NCAM2: variants seen among roughly 807,000 people sequenced by gnomAD.
NCAM2 encodes neural cell adhesion molecule 2, also known as N-CAM-2.
NCAM2 carries 30 observed loss-of-function variants against 98.1 expected under a neutral mutation model. The observed-to-expected ratio is 0.31, with a 90% CI of 0.23 to 0.41. The LOEUF (loss-of-function observed/expected upper bound fraction) is 0.41, where lower values mean the gene tolerates loss of function less well. Ranked by LOEUF, NCAM2 falls within the 10% of genes least tolerant of loss-of-function variation. The pLI is 1.00. For missense variants in NCAM2, 867 were observed against 1,005.8 expected, an observed-to-expected ratio of 0.86 and a Z score of 1.87; for synonymous variants, 368 against 342.4, an observed-to-expected ratio of 1.07 and a Z score of -0.83.
intron 9 of NCAM2, among the ~76,000 whole-genome samples, chr21:21,399,514 A>G (rs1256442770): frequency 6.6e-6 from 1 of 152,246 alleles, no homozygotes; most frequent in Non-Finnish European, 1.5e-5. Context: ...CAATACAATC[A>G]TAATACAGTT....
At chr21:21,242,124 T>C (rs116982462) in intron 1 of NCAM2, among the ~76,000 whole-genome samples, 8 of 148,956 alleles carry the variant, frequency 5.4e-5, no homozygotes, top group African/African-American at 1.2e-4. Context: ...ACAAAGTACA[T>C]CGACAAATGT....
intron 1 of NCAM2, among the ~76,000 whole-genome samples, chr21:21,062,141 G>C (rs2065335764): frequency 1.3e-5 from 2 of 152,082 alleles, no homozygotes; most frequent in African/African-American, 4.8e-5. Flanking sequence ...CTTTAAGTGA[G>C]TAAAATATCT....
chr21:21,040,057 C>T (rs2064872927), intron 1 of NCAM2, among the ~76,000 whole-genome samples: 1 of 152,134 alleles, frequency 6.6e-6, no homozygotes, highest in South Asian at 2.1e-4. Flanking sequence ...GTAATTCTCT[C>T]TACAGTCCTC....
chr21:21,429,751 T>C (rs552402965), intron 11 of NCAM2, among the ~76,000 whole-genome samples: 11 of 152,324 alleles, frequency 7.2e-5, no homozygotes, highest in Admixed American at 3.3e-4. Flanking sequence ...CTAAGACTTT[T>C]GGATGCATCA....
chr21:21,080,657 A>C (rs199762855), intron 1 of NCAM2, among the ~76,000 whole-genome samples: 1 of 78,140 alleles, frequency 1.3e-5, no homozygotes, highest in Admixed American at 1.3e-4. Context: ...ATAAGATCTC[A>C]AAAAAAAAAA....
intron 1 of NCAM2, among the ~76,000 whole-genome samples, chr21:21,021,497 T>C (rs1489526890): frequency 6.6e-6 from 1 of 152,130 alleles, no homozygotes; most frequent in Non-Finnish European, 1.5e-5. Flanking sequence ...TACATAGACA[T>C]GTAAGAATGA....
intron 1 of NCAM2, among the ~76,000 whole-genome samples, chr21:21,278,524 C>A (rs2072813209): frequency 6.6e-6 from 1 of 152,126 alleles, no homozygotes; most frequent in African/African-American, 2.4e-5. Flanking sequence ...CCCTTGGCTA[C>A]TTTTCTTATT....
chr21:21,177,025 C>T (rs1202119302), intron 1 of NCAM2, among the ~76,000 whole-genome samples: 1 of 152,038 alleles, frequency 6.6e-6, no homozygotes, highest in East Asian at 1.9e-4. Flanking sequence ...TTTATAGTTA[C>T]TTTATTGGAT....
rs564727846 is a variant in NCAM2, at chr21:21,235,009, A to G, written c.56-45569A>G. Among the ~76,000 whole-genome samples, 14 of 152,184 alleles carry G rather than the reference A, an allele frequency of 9.2e-5. 1 individual carries two copies. In the South Asian group the frequency reaches 2.9e-3, roughly 32 times the overall value. ...TAATATTTTGCAGTTTTAAAAGTGA[A>G]ACATCGTAGCAAAATAGTTTTGAAG... On this transcript the variant is annotated intron_variant, in intron 1 of 17. Transcript: ENST00000400546.
At chr21:21,412,323 A>G (rs371352295) in intron 10 of NCAM2, among the ~76,000 whole-genome samples, 12 of 152,276 alleles carry the variant, frequency 7.9e-5, no homozygotes, top group East Asian at 7.7e-4. Context: ...ACCTCGTTTA[A>G]CCTTAATTAC....
At chr21:21,208,566 G>T (rs2069527015) in intron 1 of NCAM2, among the ~76,000 whole-genome samples, 2 of 152,046 alleles carry the variant, frequency 1.3e-5, no homozygotes, top group Admixed American at 6.6e-5. Flanking sequence ...AAATATACAT[G>T]GTTGTAAGTT....
At chr21:21,532,900 G>A (rs1020969446) in intron 16 of NCAM2, among the ~76,000 whole-genome samples, 1 of 151,988 alleles carries the variant, frequency 6.6e-6, no homozygotes, top group Non-Finnish European at 1.5e-5. Flanking sequence ...CTAAATCTGT[G>A]TGAATCACTG....
chr21:21,019,794 T>TGAA (rs1419657637), intron 1 of NCAM2, among the ~76,000 whole-genome samples: 1 of 152,198 alleles, frequency 6.6e-6, no homozygotes, highest in African/African-American at 2.4e-5. Context: ...ATACATTCTA[T>TGAA]TCAGTTTTCG....
At chr21:21,343,474 G>A (rs1281533375) in intron 8 of NCAM2, among the ~76,000 whole-genome samples, 1 of 151,952 alleles carries the variant, frequency 6.6e-6, no homozygotes, top group Non-Finnish European at 1.5e-5. Flanking sequence ...AGTCACTGAA[G>A]TGATAGAAAA....
chr21:21,416,927 A>T (rs2077005980), intron 10 of NCAM2, among the ~76,000 whole-genome samples: 1 of 143,110 alleles, frequency 7.0e-6, no homozygotes, highest in African/African-American at 2.5e-5. Context: ...CTATGTCGTG[A>T]TGGGTGTTTT....
At chr21:21,282,288 G>A (rs1230289461) in intron 2 of NCAM2, among the ~76,000 whole-genome samples, 1 of 151,842 alleles carries the variant, frequency 6.6e-6, no homozygotes, top group African/African-American at 2.4e-5. Flanking sequence ...ATATTACTAT[G>A]AAATATATTG....
At chr21:21,385,748 G>T in intron 9 of NCAM2, 1 of 878,710 alleles carries the variant, frequency 1.1e-6, no homozygotes, top group Non-Finnish European at 1.5e-6. Flanking sequence ...AATGCAGTAA[G>T]CACTGGTTAC....
chr21:21,201,419 T>G (rs535359494), intron 1 of NCAM2, among the ~76,000 whole-genome samples: 1 of 152,284 alleles, frequency 6.6e-6, no homozygotes, highest in East Asian at 1.9e-4. Flanking sequence ...AACAGCAAGT[T>G]TACATCCTGG....
At chr21:21,087,805 C>T (rs1460093560) in intron 1 of NCAM2, among the ~76,000 whole-genome samples, 1 of 152,030 alleles carries the variant, frequency 6.6e-6, no homozygotes, top group Non-Finnish European at 1.5e-5. Context: ...TCTTTGGCCC[C>T]TGGAAGGCTG....
Sources: allele counts gnomAD v4.1 joint callset (sites outside exome capture counted in the v4.1 genomes callset), GRCh38; gene constraint gnomAD v4.1.1; transcripts MANE v1.5; gene names NCBI Gene and HGNC (gene_info 2026-07-23, HGNC 2026-07-21).